The following MCC variants were observed in gnomAD, a reference collection of about 807,000 sequenced individuals.
MCC encodes colorectal mutant cancer protein.
In MCC, 90 loss-of-function variants were observed where a neutral mutation model predicts 116.2. The ratio of observed to expected loss-of-function variants is 0.77; its 90% confidence interval spans 0.65 to 0.92. The LOEUF (loss-of-function observed/expected upper bound fraction) is 0.92. MCC is among the 40% of genes least tolerant of loss of function. The pLI, the probability that MCC is intolerant of heterozygous loss-of-function variation, is 0.00. For synonymous variants in MCC, 578 were observed against 510.5 expected, an observed-to-expected ratio of 1.13 and a Z score of -1.78; for missense variants, 1,516 against 1,312.2, an observed-to-expected ratio of 1.16 and a Z score of -2.40.
intron 4 of MCC, among the ~76,000 whole-genome samples, chr5:113,146,711 C>T (rs1192701674): frequency 6.6e-6 from 1 of 152,208 alleles, no homozygotes; most frequent in African/African-American, 2.4e-5. Flanking sequence ...TCTTCTACTA[C>T]AACTTGTAAG....
intron 8 of MCC, among the ~76,000 whole-genome samples, chr5:113,100,660 C>T (rs1434040068): frequency 2.6e-5 from 4 of 151,750 alleles, no homozygotes; most frequent in Non-Finnish European, 4.4e-5. Context: ...CTAGTGGAGA[C>T]GGGGGTTTCA....
intron 5 of MCC, among the ~76,000 whole-genome samples, chr5:113,129,790 A>G (rs1224274674): frequency 6.6e-6 from 1 of 152,240 alleles, no homozygotes; most frequent in Non-Finnish European, 1.5e-5. Flanking sequence ...ACAAGATACT[A>G]TCTCACACCA....
chr5:113,224,241 C>G (rs1224893577), intron 3 of MCC, among the ~76,000 whole-genome samples: 1 of 152,000 alleles, frequency 6.6e-6, no homozygotes, highest in Non-Finnish European at 1.5e-5. Flanking sequence ...ATCAGGCACG[C>G]GCGACCACAT....
At chr5:113,132,441 TATACACACACACAC>T (rs1197313705) in intron 5 of MCC, among the ~76,000 whole-genome samples, 1 of 96,944 alleles carries the variant, frequency 1.0e-5, no homozygotes, top group Admixed American at 1.2e-4. Flanking sequence ...TATATATATA[TATACACACACACAC>T]ACACACACAC....
chr5:113,027,454 T>G lies in MCC; in HGVS notation c.2908A>C (p.Lys970Gln). 6.2e-7 allele frequency: 1 copy of G among 1,614,222 alleles called. No homozygotes were observed. Among genetic ancestry groups the G allele is most frequent in the Non-Finnish European group, 8.5e-7 (1 of 1,180,032 alleles). ...TTCAGTTTGTTTTGATGCTTTTTCT[T>G]TGCTTTCTCATAGGCAGCCACCAGG... ...SNLVAAYEKAKKKHQNKLKKL... is the reference protein window; with the variant it reads ...SNLVAAYEKAQKKHQNKLKKL... Residue 970 changes from lysine (K) to glutamine (Q), a missense_variant, in exon 19 of 19, where the codon AAG becomes CAG. Lys to Gln is a moderately conservative substitution (Grantham distance 53, BLOSUM62 1). Coordinates refer to ENST00000408903, the MANE Select transcript of MCC (RefSeq NM_001085377.2).
intron 1 of MCC, among the ~76,000 whole-genome samples, chr5:113,418,229 C>T (rs1403787283): frequency 3.3e-5 from 5 of 150,958 alleles, no homozygotes; most frequent in Non-Finnish European, 1.5e-5. Flanking sequence ...TAGGGGTACA[C>T]GTTGTGCACA....
chr5:113,274,611 T>G (rs1257480621), intron 3 of MCC, among the ~76,000 whole-genome samples: 1 of 152,152 alleles, frequency 6.6e-6, no homozygotes, highest in East Asian at 1.9e-4. Context: ...TCCGACCGCC[T>G]TAGTCTCCCA....
rs1408759660 is a variant in MCC, at chr5:113,184,520, G to A, written c.628-33098C>T. Among the ~76,000 whole-genome samples, 5 of 139,074 alleles carry A rather than the reference G, an allele frequency of 3.6e-5. No individual in the cohort carries two copies. The East Asian group carries it at 8.4e-4, about 23-fold the overall frequency. The allele number at this position is 139,074 out of a possible 152,430, so 91.2% of individuals were successfully genotyped here. A position where few individuals can be genotyped will look rare whatever the true frequency, so the allele number is the denominator to read the frequency against. ...TTTGGAGACAGAGTCTTGTTCTGGT[G>A]CTCAGTGCTGAGATCATGGCTCACT... On this transcript the variant is annotated intron_variant, in intron 3 of 18. Transcript: ENST00000408903.
chr5:113,106,667 G>A (rs532714308), intron 6 of MCC, among the ~76,000 whole-genome samples: 3 of 152,134 alleles, frequency 2.0e-5, no homozygotes, highest in Admixed American at 6.5e-5. Context: ...TCAACCTATC[G>A]TCCCACCTCA....
intron 5 of MCC, among the ~76,000 whole-genome samples, chr5:113,129,037 A>G (rs1758266443): frequency 1.3e-5 from 2 of 152,220 alleles, no homozygotes; most frequent in Non-Finnish European, 2.9e-5. Context: ...TACAGTAGAT[A>G]GAGACTCTGG....
chr5:113,171,017 C>T (rs1347334118), intron 3 of MCC, among the ~76,000 whole-genome samples: 6 of 151,998 alleles, frequency 3.9e-5, no homozygotes, highest in African/African-American at 1.2e-4. Flanking sequence ...CTCTCCTGAA[C>T]CATTTCTGTT....
chr5:113,179,914 C>A (rs1218784888), intron 3 of MCC, among the ~76,000 whole-genome samples: 1 of 152,180 alleles, frequency 6.6e-6, no homozygotes, highest in African/African-American at 2.4e-5. Flanking sequence ...TTGCAGGAAT[C>A]CCTGGTCAAG....
chr5:113,083,539 C>A (rs575841201), intron 10 of MCC, among the ~76,000 whole-genome samples: 1 of 152,336 alleles, frequency 6.6e-6, no homozygotes, highest in East Asian at 1.9e-4. Context: ...CTCTAAGCCT[C>A]ATCCCCAATC....
intron 3 of MCC, among the ~76,000 whole-genome samples, chr5:113,290,068 T>C (rs1373162040): frequency 6.6e-6 from 1 of 152,240 alleles, no homozygotes; most frequent in East Asian, 1.9e-4. Flanking sequence ...AGCTGGCCAC[T>C]TGGAGATAGT....
intron 1 of MCC, chr5:113,435,929 T>C (rs1412496865): frequency 6.6e-6 from 1 of 152,502 alleles, no homozygotes; most frequent in Non-Finnish European, 1.5e-5. Context: ...GCAACCATCA[T>C]TTCTTCTGGC....
At chr5:113,166,635 T>G (rs1291321925) in intron 3 of MCC, among the ~76,000 whole-genome samples, 1 of 141,962 alleles carries the variant, frequency 7.0e-6, no homozygotes, top group Non-Finnish European at 1.5e-5. Flanking sequence ...TTGAGATGGA[T>G]AAACAGGACT....
intron 3 of MCC, among the ~76,000 whole-genome samples, chr5:113,243,417 C>T (rs1261559943): frequency 6.6e-6 from 1 of 152,212 alleles, no homozygotes; most frequent in Non-Finnish European, 1.5e-5. Context: ...TTCACACGTA[C>T]AGGACTACTG....
At chr5:113,294,483 A>G in intron 3 of MCC, 1 of 1,591,612 alleles carries the variant, frequency 6.3e-7, no homozygotes, top group South Asian at 1.1e-5. Context: ...CCCTTCTGCC[A>G]CATTTTAGTC....
Position 113,048,288 on chromosome 5 carries a change from G to C in MCC, c.2655+805C>G, listed in dbSNP as rs571638713. The stretch of plus-strand genomic sequence containing the variant: ...CAACCATGGTCTGAAAATATTAAAT[G>C]GGAAATTCTAGAAATAAACAGTAAG... On this transcript the variant is annotated intron_variant, in intron 16 of 18. Transcript: ENST00000408903. 7.2e-4 allele frequency among the ~76,000 whole-genome samples: 109 copies of C among 152,158 alleles called. 1 individual carries two copies. The highest frequency in any genetic ancestry group is 7.1e-3 in the Admixed American group (108 of 15,266).
Sources: gnomAD v4.1 joint callset for allele counts (sites outside exome capture counted in the v4.1 genomes callset) on GRCh38, gnomAD v4.1.1 for gene constraint, MANE v1.5 for transcripts, NCBI Gene and HGNC (gene_info 2026-07-23, HGNC 2026-07-21) for gene names.